Variants in OXR1 observed in about 807,000 individuals in gnomAD.
The protein encoded by OXR1 is oxidation resistance 1.
OXR1 carries 41 observed loss-of-function variants against 104.6 expected under a neutral mutation model. The ratio of observed to expected loss-of-function variants is 0.39; its 90% CI spans 0.31 to 0.51. The LOEUF (loss-of-function observed/expected upper bound fraction) is 0.51, where lower values mean the gene tolerates loss of function less well. Ranked by LOEUF, OXR1 falls within the 20% of genes least tolerant of loss-of-function variation. The probability of loss-of-function intolerance (pLI) is 0.77; values close to 1 mark genes in which losing one functional copy is unlikely to be tolerated. For missense variants in OXR1, 955 were observed against 1,031.9 expected, an observed-to-expected ratio of 0.93 and a Z score of 1.02; for synonymous variants, 348 against 348.4, an observed-to-expected ratio of 1.00 and a Z score of 0.01.
At chr8:106,530,135 A>AG (rs1408488372) in intron 3 of OXR1, among the ~76,000 whole-genome samples, 1 of 152,228 alleles carries the variant, frequency 6.6e-6, no homozygotes, top group African/African-American at 2.4e-5. Context: ...TGAACAGTGA[A>AG]GTAATATGTC....
At chr8:106,610,697 A>C (rs2130797487) in intron 3 of OXR1, among the ~76,000 whole-genome samples, 1 of 152,310 alleles carries the variant, frequency 6.6e-6, no homozygotes, top group South Asian at 2.1e-4. Context: ...CTACCTGTTC[A>C]ATACATAATC....
intron 2 of OXR1, among the ~76,000 whole-genome samples, chr8:106,363,660 A>G (rs1586568569): frequency 6.6e-6 from 1 of 151,972 alleles, no homozygotes; most frequent in Admixed American, 6.6e-5. Flanking sequence ...TGGTGGATAT[A>G]GAGCCACATC....
intron 3 of OXR1, among the ~76,000 whole-genome samples, chr8:106,664,846 C>A (rs1309399635): frequency 6.6e-6 from 1 of 152,144 alleles, no homozygotes; most frequent in East Asian, 1.9e-4. Flanking sequence ...TATAGTAAGT[C>A]CTCCTTTGAC....
rs142481940 is a variant in OXR1, at chr8:106,494,418, C to CCA, written c.24-24516_24-24515dup. Reference sequence around the variant, plus strand: ...AAAATTTATATTTGACGACCTTTCACCACACACACAGTAGGTGTGCACTGT... The same window carrying CCA: ...AAAATTTATATTTGACGACCTTTCACCACACACACACAGTAGGTGTGCACTGT... On this transcript the variant is annotated intron_variant, in intron 2 of 16. Transcript: ENST00000517566. 4.8e-3 allele frequency among the ~76,000 whole-genome samples: 726 copies of CCA among 152,194 alleles called. 22 individuals carry two copies. The East Asian group carries it at 0.053, about 11-fold the overall frequency.
At chr8:106,459,744 T>A (rs1043508343) in intron 2 of OXR1, among the ~76,000 whole-genome samples, 8 of 152,242 alleles carry the variant, frequency 5.3e-5, no homozygotes, top group Non-Finnish European at 1.0e-4. Context: ...ATGTCTGTCA[T>A]GATATAGCCT....
At chr8:106,379,667 A>G (rs990702544) in intron 2 of OXR1, among the ~76,000 whole-genome samples, 3 of 150,860 alleles carry the variant, frequency 2.0e-5, no homozygotes, top group African/African-American at 7.3e-5. Context: ...CCTCCCGAGT[A>G]GCTGGGATTA....
intron 1 of OXR1, among the ~76,000 whole-genome samples, chr8:106,281,825 A>G (rs13273743): frequency 6.9e-6 from 1 of 144,562 alleles, no homozygotes; most frequent in African/African-American, 2.6e-5. Context: ...AAAAAAAAAG[A>G]CACTTATATA....
At chr8:106,335,960 G>A (rs1166334116) in intron 1 of OXR1, among the ~76,000 whole-genome samples, 1 of 152,096 alleles carries the variant, frequency 6.6e-6, no homozygotes, top group Non-Finnish European at 1.5e-5. Flanking sequence ...GCCAGGTGTG[G>A]TGGTGGTTGC....
chr8:106,321,472 G>T (rs953698709), intron 1 of OXR1, among the ~76,000 whole-genome samples: 1 of 152,220 alleles, frequency 6.6e-6, no homozygotes, highest in Non-Finnish European at 1.5e-5. Flanking sequence ...TGAGGTAGGG[G>T]TGGTGGTGGT....
chr8:106,510,538 G>A (rs1812455709), intron 2 of OXR1, among the ~76,000 whole-genome samples: 1 of 152,184 alleles, frequency 6.6e-6, no homozygotes, highest in Non-Finnish European at 1.5e-5. Context: ...AAACTCTGAA[G>A]AGGCAGAATT....
intron 2 of OXR1, among the ~76,000 whole-genome samples, chr8:106,499,863 G>A (rs886267720): frequency 1.3e-5 from 2 of 152,208 alleles, no homozygotes; most frequent in African/African-American, 4.8e-5. Flanking sequence ...ACTCTGACTT[G>A]CTTGTCACTG....
intron 1 of OXR1, among the ~76,000 whole-genome samples, chr8:106,304,478 C>T (rs1314904509): frequency 6.6e-6 from 1 of 152,048 alleles, no homozygotes; most frequent in Non-Finnish European, 1.5e-5. Flanking sequence ...CCAGAGCTGT[C>T]TACTAGAAAT....
chr8:106,535,166 T>G (rs1031904001), intron 3 of OXR1, among the ~76,000 whole-genome samples: 9 of 152,068 alleles, frequency 5.9e-5, no homozygotes, highest in Non-Finnish European at 4.4e-5. Context: ...GGTTTCACTG[T>G]TTTTGCCAGG....
intron 3 of OXR1, among the ~76,000 whole-genome samples, chr8:106,540,766 T>G (rs560323693): frequency 7.2e-5 from 11 of 152,308 alleles, no homozygotes; most frequent in South Asian, 2.1e-4. Context: ...CTTACATGGA[T>G]GGTGGCAGGC....
intron 3 of OXR1, among the ~76,000 whole-genome samples, chr8:106,632,871 A>G (rs1261073205): frequency 6.6e-6 from 1 of 152,202 alleles, no homozygotes; most frequent in African/African-American, 2.4e-5. Flanking sequence ...CCCAGGAGGC[A>G]GAGGTTGCAG....
chr8:106,470,572 A>G (rs1821436068), intron 2 of OXR1, among the ~76,000 whole-genome samples: 1 of 151,736 alleles, frequency 6.6e-6, no homozygotes, highest in Non-Finnish European at 1.5e-5. Flanking sequence ...GGAGATGCCA[A>G]TAGGTTTTTG....
chr8:106,371,772 G>A (rs140083368), intron 2 of OXR1, among the ~76,000 whole-genome samples: 304 of 152,260 alleles, frequency 2.0e-3, no homozygotes, highest in African/African-American at 7.0e-3. Context: ...CTTCCTGCAG[G>A]GAAGCCTCAC....
chr8:106,485,672 C>G (rs1810601922), intron 2 of OXR1, among the ~76,000 whole-genome samples: 1 of 151,976 alleles, frequency 6.6e-6, no homozygotes. Flanking sequence ...TCTGCACTTA[C>G]ATATTTAATA....
intron 1 of OXR1, among the ~76,000 whole-genome samples, chr8:106,355,507 C>A (rs1815928515): frequency 6.6e-6 from 1 of 151,732 alleles, no homozygotes; most frequent in Admixed American, 6.6e-5. Flanking sequence ...ACTCAGTAAG[C>A]TTTGAGTGCC....
Sources: gnomAD v4.1 joint callset for allele counts (sites outside exome capture counted in the v4.1 genomes callset) on GRCh38, gnomAD v4.1.1 for gene constraint, MANE v1.5 for transcripts, NCBI Gene and HGNC (gene_info 2026-07-23, HGNC 2026-07-21) for gene names.